The following KIF2A variants were observed in gnomAD, a reference collection of about 807,000 sequenced individuals.
The protein encoded by KIF2A is kinesin family member 2A.
A neutral mutation model predicts 100.2 loss-of-function variants in KIF2A; 22 were observed. The observed-to-expected ratio is 0.22, with a 90% CI of 0.16 to 0.31. The LOEUF is 0.31. Ranked by LOEUF, KIF2A falls within the 10% of genes least tolerant of loss-of-function variation. KIF2A has a pLI of 1.00. For synonymous variants in KIF2A, 268 were observed against 285.9 expected (o/e 0.94, Z 0.63); for missense variants, 495 against 898.7 (o/e 0.55, Z 5.74).
At chr5:62,334,009 T>C (rs549127849) in intron 1 of KIF2A, among the ~76,000 whole-genome samples, 2 of 152,128 alleles carry the variant, frequency 1.3e-5, no homozygotes, top group Non-Finnish European at 2.9e-5. Context: ...GTCACCCTCC[T>C]CCTGACCCCG....
intron 20 of KIF2A, among the ~76,000 whole-genome samples, chr5:62,382,930 C>CTTTGCT (rs1741843747): frequency 1.6e-5 from 2 of 128,240 alleles, no homozygotes; most frequent in Admixed American, 1.6e-4. Context: ...CCTGGCTTTG[C>CTTTGCT]TTTTTTTTTT....
In KIF2A at chr5:62,389,707, A is replaced by G. The variant is rs1031884069; in HGVS notation, c.*4138A>G. 1.3e-5 allele frequency among the ~76,000 whole-genome samples: 2 copies of G among 152,162 alleles called. No individual in the cohort carries two copies. Among genetic ancestry groups the G allele is most frequent in the African/African-American group, 4.8e-5 (2 of 41,446 alleles). ...GTTTGGAATTGGCAGAAGTCAGATG[A>G]AAAACCAATCTTACATGCCCCTTCT... On this transcript the variant is annotated 3_prime_UTR_variant, in exon 21 of 21. Transcript: ENST00000407818.
intron 4 of KIF2A, among the ~76,000 whole-genome samples, chr5:62,350,805 G>A (rs1747811929): frequency 6.6e-6 from 1 of 151,902 alleles, no homozygotes; most frequent in South Asian, 2.1e-4. Flanking sequence ...CCAGCTACTT[G>A]GGAGGCTGAG....
chr5:62,383,229 ATTTTTTTTTTTTTT>A (rs70977902), intron 20 of KIF2A, among the ~76,000 whole-genome samples: 6 of 39,100 alleles, frequency 1.5e-4, no homozygotes, highest in Admixed American at 1.2e-3. Flanking sequence ...GCCTGGCCAG[ATTTTTTTTTTTTTT>A]TTTTTTTTTT....
At chr5:62,351,462 T>TCAGC (rs1190720953) in intron 4 of KIF2A, among the ~76,000 whole-genome samples, 1 of 152,090 alleles carries the variant, frequency 6.6e-6, no homozygotes, top group African/African-American at 2.4e-5. Flanking sequence ...CCATATATTT[T>TCAGC]CAGCCAGGAC....
At chr5:62,353,655 G>A (rs983613404) in intron 6 of KIF2A, among the ~76,000 whole-genome samples, 3 of 152,054 alleles carry the variant, frequency 2.0e-5, no homozygotes, top group Non-Finnish European at 4.4e-5. Context: ...AATGTGTATG[G>A]TGTAACATTT....
At chr5:62,344,063 C>T (rs548683335) in intron 1 of KIF2A, among the ~76,000 whole-genome samples, 3 of 151,824 alleles carry the variant, frequency 2.0e-5, no homozygotes, top group East Asian at 3.9e-4. Flanking sequence ...ATGCAGTTAC[C>T]GGCTGGGCGC....
In KIF2A at chr5:62,308,769, G is replaced by A. The variant is rs549607161; in HGVS notation, c.64+2233G>A. ...AAACAGTGGTTACTACTGGTGGTGG[G>A]GAAGGAGAGGAAATGGGGAGATATA... On this transcript the variant is annotated intron_variant, in intron 1 of 20. Transcript: ENST00000407818. 1.9e-4 allele frequency among the ~76,000 whole-genome samples: 29 copies of A among 152,240 alleles called. No homozygotes were observed. The South Asian group carries it at 5.8e-3, about 31-fold the overall frequency.
rs1238796014 is a variant in KIF2A, at chr5:62,386,954, G to A, written c.*1385G>A. Among the ~76,000 whole-genome samples, 1 of 152,146 alleles carries A rather than the reference G, an allele frequency of 6.6e-6. No homozygotes were observed. The highest frequency in any genetic ancestry group is 2.4e-5 in the African/African-American group (1 of 41,420). On this transcript the variant is annotated 3_prime_UTR_variant, in exon 21 of 21. Transcript: ENST00000407818. ...AGATTAACAGCTAAAAATCTCCCAA[G>A]GATATCTTGTTTTGATTTATTTACT... is the stretch of plus-strand genomic sequence containing the variant.
intron 1 of KIF2A, among the ~76,000 whole-genome samples, chr5:62,328,300 G>T (rs1188867487): frequency 1.4e-5 from 2 of 141,302 alleles, no homozygotes; most frequent in African/African-American, 5.3e-5. Flanking sequence ...TTCATGAAGT[G>T]TTATTTCTAG....
At chr5:62,381,354 ATTAGGGGCACTGT>A (rs1214846043) in intron 20 of KIF2A, 101 bp downstream of exon 20, 47 of 902,356 alleles carry the variant, frequency 5.2e-5, no homozygotes, top group Non-Finnish European at 8.6e-6. Flanking sequence ...CGAAGTGAAA[ATTAGGGGCACTGT>A]TTAGCATCTA....
At chr5:62,365,210 C>A in intron 14 of KIF2A, 33 bp from the exon 15 acceptor site, 2 of 1,077,546 alleles carry the variant, frequency 1.9e-6, no homozygotes, top group Non-Finnish European at 2.8e-6. Context: ...ATAAGAAAGA[C>A]TAATCTGTGA....
intron 5 of KIF2A, 114 bp downstream of exon 5, chr5:62,352,824 AT>A: frequency 2.6e-6 from 2 of 757,212 alleles, no homozygotes; most frequent in African/African-American, 3.6e-5. Flanking sequence ...TTGATTGCAG[AT>A]TTCATTTTAC....
Position 62,382,634 on chromosome 5 carries a change from GT to G in KIF2A, c.2149+1397del, listed in dbSNP as rs35714674. ...ATTTTTGGAACACTTCAGGTTTCAG[GT>G]TTTTTTTTTTTTTTTGTCATGGAGT... is the stretch of plus-strand genomic sequence containing the variant. On this transcript the variant is annotated intron_variant, in intron 20 of 20. Transcript: ENST00000407818. 1.3e-3 allele frequency among the ~76,000 whole-genome samples: 179 copies of G among 134,756 alleles called. 2 individuals carry two copies. In the South Asian group the frequency reaches 0.022, roughly 16 times the overall value. The allele number at this position is 134,756 out of a possible 152,430, so 88.4% of individuals were successfully genotyped here.
chr5:62,324,541 C>G (rs1298601454), intron 1 of KIF2A, among the ~76,000 whole-genome samples: 10 of 152,030 alleles, frequency 6.6e-5, no homozygotes, highest in African/African-American at 1.9e-4. Context: ...GATTGAGAAC[C>G]CAGAAATAAA....
At chr5:62,383,631 AG>A (rs1189872450) in intron 20 of KIF2A, among the ~76,000 whole-genome samples, 1 of 152,168 alleles carries the variant, frequency 6.6e-6, no homozygotes, top group Non-Finnish European at 1.5e-5. Context: ...TATTTTGTAA[AG>A]TCAGCAGTGA....
At chr5:62,315,465 C>T (rs1268089807) in intron 1 of KIF2A, among the ~76,000 whole-genome samples, 1 of 152,168 alleles carries the variant, frequency 6.6e-6, no homozygotes, top group Non-Finnish European at 1.5e-5. Context: ...AACAGAGTAT[C>T]TGACAAGACT....
At chr5:62,324,849 A>G (rs1183490994) in intron 1 of KIF2A, among the ~76,000 whole-genome samples, 1 of 37,280 alleles carries the variant, frequency 2.7e-5, no homozygotes, top group Non-Finnish European at 8.4e-5. Context: ...AAAAAGAAAA[A>G]AAATGACAAA....
intron 1 of KIF2A, among the ~76,000 whole-genome samples, 156 bp from the exon 2 acceptor site, chr5:62,346,974 G>A (rs1747601309): frequency 6.6e-6 from 1 of 152,124 alleles, no homozygotes; most frequent in African/African-American, 2.4e-5. Flanking sequence ...CGTGGACAAA[G>A]TTCATTCCCT....
Sources: allele counts gnomAD v4.1 joint callset (sites outside exome capture counted in the v4.1 genomes callset), GRCh38; gene constraint gnomAD v4.1.1; transcripts MANE v1.5; gene names NCBI Gene and HGNC (gene_info 2026-07-23, HGNC 2026-07-21).